TMTC1: variants seen among roughly 807,000 people sequenced by gnomAD.
TMTC1 encodes the protein protein O-mannosyl-transferase TMTC1.
A neutral mutation model predicts 104.8 loss-of-function variants in TMTC1; 73 were observed. That is an observed-to-expected ratio of 0.70 (90% confidence interval 0.58 to 0.85). The LOEUF (loss-of-function observed/expected upper bound fraction) is 0.85. Ranked by LOEUF, TMTC1 falls within the 40% of genes least tolerant of loss-of-function variation. The pLI is 0.00. For synonymous variants in TMTC1, 434 were observed against 428.7 expected (o/e 1.01, Z -0.15); for missense variants, 1,035 against 1,096.1 (o/e 0.94, Z 0.79).
intron 8 of TMTC1, among the ~76,000 whole-genome samples, chr12:29,574,315 A>C (rs938688053): frequency 6.6e-6 from 1 of 152,122 alleles, no homozygotes; most frequent in African/African-American, 2.4e-5. Context: ...CCTACCAATA[A>C]GTTTTGTTGG....
intron 5 of TMTC1, among the ~76,000 whole-genome samples, chr12:29,750,437 G>A (rs1381714414): frequency 1.3e-5 from 2 of 152,142 alleles, no homozygotes; most frequent in Non-Finnish European, 2.9e-5. Flanking sequence ...TAGAAGAAAA[G>A]CTACACAAGA....
chr12:29,725,011 GTTCTTT>G lies in TMTC1; in HGVS notation c.938+26649_938+26654del, dbSNP rs1370313689. 9.5e-5 allele frequency among the ~76,000 whole-genome samples: 11 copies of G among 115,756 alleles called. 1 individual carries two copies. The East Asian group carries it at 3.0e-3, about 32-fold the overall frequency. 75.9% of individuals were successfully genotyped at this position (115,756 alleles called of 152,430 possible). A position where few individuals can be genotyped will look rare whatever the true frequency, so the allele number is the denominator to read the frequency against. On this transcript the variant is annotated intron_variant, in intron 5 of 17. Transcript: ENST00000539277. ...CGTAGTTTAGCTATATATCTGCCAA[GTTCTTT>G]TTTTTTTTTTTTTTTTTTTTTGAGA...
At chr12:29,595,956 T>C (rs548393260) in intron 7 of TMTC1, among the ~76,000 whole-genome samples, 1 of 152,138 alleles carries the variant, frequency 6.6e-6, no homozygotes, top group Non-Finnish European at 1.5e-5. Context: ...AATCCTTCAC[T>C]GAGATTTAAA....
chr12:29,588,346 A>G (rs1946194490), intron 7 of TMTC1, among the ~76,000 whole-genome samples: 1 of 152,166 alleles, frequency 6.6e-6, no homozygotes, highest in South Asian at 2.1e-4. Context: ...AATCTTATTT[A>G]TATTGTACAA....
chr12:29,718,211 G>A (rs777829614), intron 5 of TMTC1, among the ~76,000 whole-genome samples: 1 of 152,164 alleles, frequency 6.6e-6, no homozygotes, highest in Non-Finnish European at 1.5e-5. Flanking sequence ...AAACCAGAAG[G>A]GAACCAATAC....
chr12:29,608,971 T>G (rs754791252), intron 6 of TMTC1, among the ~76,000 whole-genome samples: 10 of 152,110 alleles, frequency 6.6e-5, no homozygotes, highest in Non-Finnish European at 1.5e-4. Flanking sequence ...TTGATACACA[T>G]GTATGCACCT....
chr12:29,573,787 A>G (rs1231044862), intron 8 of TMTC1, among the ~76,000 whole-genome samples: 1 of 149,990 alleles, frequency 6.7e-6, no homozygotes, highest in Non-Finnish European at 1.5e-5. Context: ...CTTAGCGTGG[A>G]GAGAGTCTAA....
intron 5 of TMTC1, among the ~76,000 whole-genome samples, chr12:29,649,446 T>A (rs916782479): frequency 2.0e-5 from 3 of 152,150 alleles, no homozygotes; most frequent in Non-Finnish European, 4.4e-5. Flanking sequence ...AGGAGGTAAG[T>A]AAGAGAGCCA....
At chr12:29,550,207 G>A (rs1945057369) in intron 10 of TMTC1, among the ~76,000 whole-genome samples, 1 of 152,204 alleles carries the variant, frequency 6.6e-6, no homozygotes, top group Non-Finnish European at 1.5e-5. Flanking sequence ...TACAGGTAGT[G>A]AAGTAACTTG....
At chr12:29,637,466 T>C (rs10843457) in intron 5 of TMTC1, among the ~76,000 whole-genome samples, 33,206 of 152,146 alleles carry the variant, frequency 0.22, 4,101 homozygotes, top group African/African-American at 0.35. Context: ...ATGGAATATA[T>C]GGCACAGAAA....
At chr12:29,648,954 TGG>T (rs1939395350) in intron 5 of TMTC1, among the ~76,000 whole-genome samples, 1 of 152,154 alleles carries the variant, frequency 6.6e-6, no homozygotes, top group African/African-American at 2.4e-5. Context: ...AGTAGCCATA[TGG>T]GGCCCGCAGC....
chr12:29,663,741 T>C (rs1413544219), intron 5 of TMTC1, among the ~76,000 whole-genome samples: 1 of 147,654 alleles, frequency 6.8e-6, no homozygotes, highest in Admixed American at 6.9e-5. Flanking sequence ...GGTCTCAAAC[T>C]CCTGACCTCA....
chr12:29,637,047 CA>C (rs1938589338), intron 5 of TMTC1, among the ~76,000 whole-genome samples: 1 of 149,292 alleles, frequency 6.7e-6, no homozygotes, highest in African/African-American at 2.5e-5. Context: ...AGCAATAGAG[CA>C]AGATCCTGTT....
chr12:29,571,571 T>TAC (rs1358798245), intron 9 of TMTC1, among the ~76,000 whole-genome samples: 2 of 131,804 alleles, frequency 1.5e-5, no homozygotes, highest in African/African-American at 6.2e-5. Context: ...AGAATGTTAA[T>TAC]ACACACACAC....
At chr12:29,695,876 T>C (rs919447736) in intron 5 of TMTC1, among the ~76,000 whole-genome samples, 3 of 146,384 alleles carry the variant, frequency 2.0e-5, no homozygotes, top group Non-Finnish European at 4.5e-5. Flanking sequence ...TGATGGATTT[T>C]ACTAGGACCT....
At chr12:29,544,668 T>C (rs115830133) in intron 10 of TMTC1, among the ~76,000 whole-genome samples, 1,727 of 152,332 alleles carry the variant, frequency 0.011, 43 homozygotes, top group African/African-American at 0.039. Flanking sequence ...CCCAAGCCAG[T>C]TTCACTTCAA....
chr12:29,747,977 A>G (rs1942997214), intron 5 of TMTC1, among the ~76,000 whole-genome samples: 1 of 152,188 alleles, frequency 6.6e-6, no homozygotes, highest in Non-Finnish European at 1.5e-5. Flanking sequence ...TCCAACTTTT[A>G]TTTGCTTTAC....
intron 3 of TMTC1, among the ~76,000 whole-genome samples, chr12:29,756,343 G>A (rs1943215826): frequency 6.6e-6 from 1 of 152,118 alleles, no homozygotes; most frequent in Non-Finnish European, 1.5e-5. Context: ...AGCGTTGTAG[G>A]GGGGATTAAA....
intron 1 of TMTC1, among the ~76,000 whole-genome samples, chr12:29,778,249 C>T (rs1395691484): frequency 2.0e-5 from 3 of 152,116 alleles, no homozygotes; most frequent in African/African-American, 7.2e-5. Flanking sequence ...CTTTCATTTG[C>T]TTAGTTTCCC....
Sources: gnomAD v4.1 joint callset for allele counts (sites outside exome capture counted in the v4.1 genomes callset) on GRCh38, gnomAD v4.1.1 for gene constraint, MANE v1.5 for transcripts, NCBI Gene and HGNC (gene_info 2026-07-23, HGNC 2026-07-21) for gene names.